Variants in CELF2 observed in about 807,000 individuals in gnomAD.
CELF2 encodes CUGBP Elav-like family member 2, also known as CUG triplet repeat RNA-binding protein 2.
A neutral mutation model predicts 62.6 loss-of-function variants in CELF2; 8 were observed. The observed-to-expected ratio is 0.13, with a 90% confidence interval of 0.07 to 0.23. The LOEUF (loss-of-function observed/expected upper bound fraction) is 0.23. CELF2 is among the 10% of genes least tolerant of loss of function. The pLI is 1.00. For synonymous variants in CELF2, 258 were observed against 250.0 expected (o/e 1.03, Z -0.30); for missense variants, 333 against 671.0 (o/e 0.50, Z 5.56).
rs967065896 is a variant in CELF2, at chr10:11,330,386, CTTAAAAGTGA to C, written c.*1336_*1345del. On this transcript the variant is annotated 3_prime_UTR_variant, in exon 13 of 13. Transcript: ENST00000633077. The surrounding 1 kb of genome is among the most constrained non-coding windows in gnomAD (Gnocchi z 4.5). ...TTTGCATTAGTTTTTCTCCTGCACC[CTTAAAAGTGA>C]TTTTGTTGCCGCTGCATAGATTCTG... 6.6e-6 allele frequency: 1 copy of C among 152,582 alleles called. No homozygotes were observed. The highest frequency in any genetic ancestry group is 2.4e-5 in the African/African-American group (1 of 41,448). 9.5% of individuals were successfully genotyped at this position (152,582 alleles called of 1,614,324 possible). A position where few individuals can be genotyped will look rare whatever the true frequency, so the allele number is the denominator to read the frequency against.
chr10:11,256,218 C>T (rs1281714835), intron 4 of CELF2, among the ~76,000 whole-genome samples: 1 of 152,180 alleles, frequency 6.6e-6, no homozygotes, highest in East Asian at 1.9e-4. Flanking sequence ...CACACCAGTC[C>T]CTTTAAGTGC....
the CELF2 span, among the ~76,000 whole-genome samples, chr10:10,568,022 G>T: frequency 6.6e-6 from 1 of 152,028 alleles, no homozygotes; most frequent in South Asian, 2.1e-4. Flanking sequence ...TAAGGTAGAG[G>T]GTATACACAG....
intron 2 of CELF2, among the ~76,000 whole-genome samples, chr10:10,980,343 TC>T (rs113192307): frequency 2.0e-5 from 3 of 151,472 alleles, no homozygotes; most frequent in South Asian, 2.1e-4. Flanking sequence ...ACTTTTCTCT[TC>T]CCCCCCCAAG....
chr10:10,582,976 G>A, the CELF2 span, among the ~76,000 whole-genome samples: 2 of 152,146 alleles, frequency 1.3e-5, no homozygotes, highest in South Asian at 2.1e-4. Flanking sequence ...CAATTTAAGA[G>A]GAGTTGGACA....
the CELF2 span, among the ~76,000 whole-genome samples, chr10:10,676,855 G>A: frequency 2.0e-5 from 3 of 152,292 alleles, no homozygotes; most frequent in East Asian, 5.8e-4. Context: ...GGCTAAGTAT[G>A]GAACCAGAAA....
upstream of CELF2, among the ~76,000 whole-genome samples, chr10:11,016,412 T>C (rs115452067): frequency 3.6e-3 from 543 of 152,314 alleles, 3 homozygotes; most frequent in African/African-American, 0.012. This position sits in a 1 kb window ranked among gnomAD's most constrained non-coding sequence, Gnocchi z 5.2. Context: ...AAAAGCCAGA[T>C]ACATTGTTCA....
the CELF2 span, among the ~76,000 whole-genome samples, chr10:10,646,374 T>C: frequency 4.6e-5 from 7 of 152,220 alleles, no homozygotes; most frequent in African/African-American, 1.4e-4. Flanking sequence ...CCACGGCTAA[T>C]TGATGCTCAT....
At chr10:11,293,242 T>C (rs999161544) in intron 9 of CELF2, among the ~76,000 whole-genome samples, 3 of 152,256 alleles carry the variant, frequency 2.0e-5, no homozygotes, top group African/African-American at 7.2e-5. Context: ...CTTGTTGCAG[T>C]GCTCATTCTT....
chr10:10,822,769 C>A (rs1478647877), intron 1 of CELF2, among the ~76,000 whole-genome samples: 1 of 152,100 alleles, frequency 6.6e-6, no homozygotes, highest in Admixed American at 6.5e-5. Flanking sequence ...TGTTTTTGAA[C>A]AAGTTTCAAA....
In CELF2 at chr10:11,332,230, T is replaced by C. The variant is rs2096040013; in HGVS notation, c.*3177T>C. On this transcript the variant is annotated 3_prime_UTR_variant, in exon 13 of 13. Transcript: ENST00000633077. ...GATCACGTTTAGTGCTATGTCCTAG[T>C]CTAGAATATTTTCATATACCTTGCA... The C allele has an allele frequency of 6.6e-6, 1 of 152,244 alleles. No homozygotes were observed. The highest frequency in any genetic ancestry group is 2.1e-4 in the South Asian group (1 of 4,830). 9.4% of individuals were successfully genotyped at this position (152,244 alleles called of 1,614,324 possible).
intron 2 of CELF2, among the ~76,000 whole-genome samples, chr10:11,188,317 GTGGTATCGA>G (rs2075495921): frequency 6.6e-6 from 1 of 151,800 alleles, no homozygotes; most frequent in African/African-American, 2.4e-5. Flanking sequence ...GTTAGTCAGG[GTGGTATCGA>G]ACTCCCAACC....
chr10:10,582,389 G>A, the CELF2 span, among the ~76,000 whole-genome samples: 1 of 152,108 alleles, frequency 6.6e-6, no homozygotes, highest in Non-Finnish European at 1.5e-5. Context: ...TATCAGAAAG[G>A]CTAATGCCTG....
rs949907617 is a variant in CELF2, at chr10:11,018,038, C to A, written c.-52C>A. The stretch of plus-strand genomic sequence containing the variant: ...CCGTCTCGCGCCGCCCGCGGCCGCT[C>A]GGACGCGCGCAGAGCCGCCCCCCGC... On this transcript the variant is annotated 5_prime_UTR_variant, in exon 1 of 13. Transcript: ENST00000633077. 7 of 1,206,784 alleles carry A rather than the reference C, an allele frequency of 5.8e-6. No individual in the cohort carries two copies. The African/African-American group carries it at 9.8e-5, about 17-fold the overall frequency. The allele number at this position is 1,206,784 out of a possible 1,614,324, so 74.8% of individuals were successfully genotyped here. A position where few individuals can be genotyped will look rare whatever the true frequency, so the allele number is the denominator to read the frequency against.
chr10:10,793,889 A>C (rs2053990663), upstream of CELF2, among the ~76,000 whole-genome samples: 1 of 152,226 alleles, frequency 6.6e-6, no homozygotes, highest in African/African-American at 2.4e-5. Context: ...TTAAAAGTCC[A>C]TTTAGCAGAG....
the CELF2 span, among the ~76,000 whole-genome samples, chr10:10,555,909 T>C: frequency 1.3e-5 from 2 of 152,234 alleles, no homozygotes; most frequent in African/African-American, 4.8e-5. Context: ...TGCCAGGATT[T>C]AGGTGACTGT....
intron 4 of CELF2, among the ~76,000 whole-genome samples, chr10:11,254,820 G>C (rs2078189553): frequency 6.6e-6 from 1 of 152,214 alleles, no homozygotes; most frequent in East Asian, 1.9e-4. Context: ...GCTGGGGGTA[G>C]GAGTCTCGGA....
intron 1 of CELF2, among the ~76,000 whole-genome samples, chr10:11,112,868 G>A (rs1484156849): frequency 4.0e-5 from 6 of 151,398 alleles, no homozygotes; most frequent in African/African-American, 1.5e-4. Context: ...TCCTGACTGA[G>A]TCATGAGTAA....
At chr10:10,761,706 T>A in the CELF2 span, among the ~76,000 whole-genome samples, 2 of 152,204 alleles carry the variant, frequency 1.3e-5, no homozygotes, top group African/African-American at 2.4e-5. Context: ...TAGCTTCAGA[T>A]GCAAACTGAA....
chr10:11,288,130 G>C (rs1288886567), intron 8 of CELF2, among the ~76,000 whole-genome samples: 1 of 152,232 alleles, frequency 6.6e-6, no homozygotes, highest in Admixed American at 6.5e-5. Flanking sequence ...GAGAATACTG[G>C]TTAGCGAGGG....
Sources: allele counts gnomAD v4.1 joint callset (sites outside exome capture counted in the v4.1 genomes callset), GRCh38; gene constraint gnomAD v4.1.1; non-coding constraint Gnocchi (gnomAD v3.1); transcripts MANE v1.5; gene names NCBI Gene and HGNC (gene_info 2026-07-23, HGNC 2026-07-21).